The following FAM81A variants were observed in gnomAD, a reference collection of about 807,000 sequenced individuals.
FAM81A encodes family with sequence similarity 81 member A.
Under a neutral mutation model 46.7 loss-of-function variants are expected in FAM81A, and 19 were observed. The observed-to-expected ratio is 0.41, with a 90% CI of 0.28 to 0.60. FAM81A has a LOEUF of 0.60. Among genes scored for constraint, FAM81A ranks in the 20% least tolerant of loss-of-function variants. FAM81A has a pLI of 0.34. For synonymous variants in FAM81A, 183 were observed against 152.9 expected (o/e 1.20, Z -1.45); for missense variants, 377 against 453.5 (o/e 0.83, Z 1.53).
chr15:59,511,164 G>A (rs1319800212), intron 6 of FAM81A, among the ~76,000 whole-genome samples: 1 of 152,054 alleles, frequency 6.6e-6, no homozygotes, highest in Non-Finnish European at 1.5e-5. Flanking sequence ...AAGAAGAAAG[G>A]ATGAGCAAAG....
intron 3 of FAM81A, among the ~76,000 whole-genome samples, chr15:59,488,690 A>G (rs1298314272): frequency 1.3e-5 from 2 of 152,244 alleles, no homozygotes; most frequent in East Asian, 3.8e-4. Flanking sequence ...ATAAAATTAA[A>G]TACTGGCCAG....
chr15:59,516,552 G>A, intron 7 of FAM81A, 93 bp from the exon 8 acceptor site: 11 of 1,268,912 alleles, frequency 8.7e-6, no homozygotes, highest in Non-Finnish European at 1.2e-5. Context: ...TCTGTTTCTT[G>A]CAGATTGTTG....
At chr15:59,466,335 G>C (rs1288205763) in intron 3 of FAM81A, among the ~76,000 whole-genome samples, 1 of 152,120 alleles carries the variant, frequency 6.6e-6, no homozygotes. Flanking sequence ...GTGTAAAAGC[G>C]TTCCTATTTC....
At chr15:59,498,556 G>A (rs1158872313) in intron 4 of FAM81A, among the ~76,000 whole-genome samples, 1 of 152,216 alleles carries the variant, frequency 6.6e-6, no homozygotes, top group Non-Finnish European at 1.5e-5. Flanking sequence ...CGAGTACGAT[G>A]TTGAATAAAT....
intron 6 of FAM81A, among the ~76,000 whole-genome samples, chr15:59,509,472 G>A (rs1245754330): frequency 1.4e-4 from 21 of 152,172 alleles, no homozygotes; most frequent in Non-Finnish European, 3.1e-4. Context: ...ATGTGATTAA[G>A]TTATGGATTT....
At chr15:59,419,645 G>A (rs1452552434) in intron 2 of FAM81A, among the ~76,000 whole-genome samples, 4 of 152,202 alleles carry the variant, frequency 2.6e-5, no homozygotes, top group East Asian at 1.9e-4. Flanking sequence ...AGGCCGAGGC[G>A]GGCAGATTGC....
chr15:59,500,753 A>C (rs1293261164), intron 4 of FAM81A, among the ~76,000 whole-genome samples: 1 of 150,294 alleles, frequency 6.7e-6, no homozygotes, highest in African/African-American at 2.5e-5. Context: ...TTTCAAGTTC[A>C]CTAGTCTTTG....
At chr15:59,426,336 A>G (rs1285989387) in intron 2 of FAM81A, among the ~76,000 whole-genome samples, 6 of 152,166 alleles carry the variant, frequency 3.9e-5, no homozygotes, top group African/African-American at 9.7e-5. Context: ...ACCAGGTGTG[A>G]TGGCTCTTGC....
upstream of FAM81A, among the ~76,000 whole-genome samples, chr15:59,436,621 C>G (rs2081244950): frequency 6.6e-6 from 1 of 152,126 alleles, no homozygotes; most frequent in Non-Finnish European, 1.5e-5. Flanking sequence ...GCACACCTTT[C>G]CAGATGTTGT....
At chr15:59,417,899 C>G (rs2081154060) in intron 2 of FAM81A, among the ~76,000 whole-genome samples, 1 of 151,960 alleles carries the variant, frequency 6.6e-6, no homozygotes, top group African/African-American at 2.4e-5. Context: ...TTAGGTTTAT[C>G]TCCTAATGCT....
At chr15:59,420,098 G>A (rs2081164286) in intron 2 of FAM81A, among the ~76,000 whole-genome samples, 1 of 152,192 alleles carries the variant, frequency 6.6e-6, no homozygotes, top group Non-Finnish European at 1.5e-5. Context: ...ATCCATTGCA[G>A]GATAAAAATG....
In FAM81A at chr15:59,481,971, T is replaced by C. The variant is rs183215424; in HGVS notation, c.295-10300T>C. On this transcript the variant is annotated intron_variant, in intron 3 of 8. Coordinates refer to ENST00000288228, the MANE Select transcript of FAM81A (RefSeq NM_152450.3). ...ATTTTTGAGGTTTAAAAAATAGACT[T>C]TATTTTTTAGAGCATTTTTTGGTTC... Among the ~76,000 whole-genome samples, 184 of 152,048 alleles carry C rather than the reference T, an allele frequency of 1.2e-3. 1 individual carries two copies. Among genetic ancestry groups the C allele is most frequent in the African/African-American group, 4.3e-3 (178 of 41,476 alleles).
intron 4 of FAM81A, among the ~76,000 whole-genome samples, chr15:59,500,288 TTTCTC>T (rs1351778140): frequency 1.3e-5 from 2 of 152,168 alleles, no homozygotes; most frequent in Admixed American, 1.3e-4. Context: ...TTTATGCTCT[TTTCTC>T]TTCTCTTTCT....
rs187557153 is a variant in FAM81A, at chr15:59,506,673, G to A, written c.414-540G>A. On this transcript the variant is annotated intron_variant, in intron 4 of 8. Transcript: ENST00000288228. The stretch of plus-strand genomic sequence containing the variant: ...AGCTCATCTGCCACACATACTTTGA[G>A]TACCATTGGATCTGCCAAGTTGCAA... Among the ~76,000 whole-genome samples the A allele has an allele frequency of 3.1e-3, 476 of 152,344 alleles. 1 individual carries two copies. Among genetic ancestry groups the A allele is most frequent in the Middle Eastern group, 0.01 (3 of 294 alleles).
intron 3 of FAM81A, among the ~76,000 whole-genome samples, chr15:59,474,170 T>C (rs1567059572): frequency 6.6e-6 from 1 of 152,220 alleles, no homozygotes; most frequent in Non-Finnish European, 1.5e-5. Flanking sequence ...ATTGTTACTT[T>C]ACAAGCCTCT....
chr15:59,490,945 G>A (rs1187586293), intron 3 of FAM81A, among the ~76,000 whole-genome samples: 2 of 152,200 alleles, frequency 1.3e-5, no homozygotes, highest in African/African-American at 4.8e-5. Flanking sequence ...AGAAAAGGGA[G>A]CACTCATACA....
At chr15:59,490,358 A>G (rs2081968177) in intron 3 of FAM81A, among the ~76,000 whole-genome samples, 1 of 152,182 alleles carries the variant, frequency 6.6e-6, no homozygotes, top group Non-Finnish European at 1.5e-5. Context: ...CAAGGGATTG[A>G]TCACCAGAAT....
intron 2 of FAM81A, chr15:59,407,784 A>C (rs561336018): frequency 6.5e-5 from 15 of 231,500 alleles, no homozygotes; most frequent in Middle Eastern, 1.8e-3. Flanking sequence ...CTTTGCTGGC[A>C]GCTTTCTTCT....
chr15:59,452,554 G>A (rs2081431733), intron 1 of FAM81A, among the ~76,000 whole-genome samples: 1 of 152,182 alleles, frequency 6.6e-6, no homozygotes, highest in Non-Finnish European at 1.5e-5. Flanking sequence ...GGCTGAGGCA[G>A]GAGGATTGCT....
Sources: allele counts gnomAD v4.1 joint callset (sites outside exome capture counted in the v4.1 genomes callset), GRCh38; gene constraint gnomAD v4.1.1; transcripts MANE v1.5; gene names NCBI Gene and HGNC (gene_info 2026-07-23, HGNC 2026-07-21).